The following SNTG1 variants were observed in gnomAD, a reference collection of about 807,000 sequenced individuals.
SNTG1 encodes the protein syntrophin gamma 1, also known as gamma-1-syntrophin.
In SNTG1, 39 loss-of-function variants were observed where a neutral mutation model predicts 74.7. The observed-to-expected ratio is 0.52, with a 90% CI of 0.40 to 0.68. The LOEUF (loss-of-function observed/expected upper bound fraction) is 0.68, where lower values mean the gene tolerates loss of function less well. SNTG1 is among the 30% of genes least tolerant of loss of function. The pLI is 0.00. For missense variants in SNTG1, 685 were observed against 609.5 expected, an observed-to-expected ratio of 1.12 and a Z score of -1.30; for synonymous variants, 254 against 217.1, an observed-to-expected ratio of 1.17 and a Z score of -1.49.
intron 8 of SNTG1, among the ~76,000 whole-genome samples, chr8:50,461,430 T>C (rs796311606): frequency 3.3e-5 from 5 of 152,320 alleles, no homozygotes; most frequent in African/African-American, 1.2e-4. Context: ...ATGCCAATTA[T>C]GCAGTTGAAA....
chr8:50,273,708 A>G (rs1367976382), intron 2 of SNTG1, among the ~76,000 whole-genome samples: 1 of 152,166 alleles, frequency 6.6e-6, no homozygotes, highest in Admixed American at 6.5e-5. Context: ...GAGGGTTAAC[A>G]ATGGTGGTGA....
intron 9 of SNTG1, among the ~76,000 whole-genome samples, chr8:50,517,956 T>TTAATAGACA (rs1425136428): frequency 1.3e-5 from 2 of 152,050 alleles, no homozygotes; most frequent in Non-Finnish European, 2.9e-5. Context: ...GCAAGTGGAC[T>TTAATAGACA]TAATAGACAT....
At chr8:50,389,986 C>T (rs1206285012) in intron 2 of SNTG1, among the ~76,000 whole-genome samples, 1 of 152,072 alleles carries the variant, frequency 6.6e-6, no homozygotes, top group Non-Finnish European at 1.5e-5. Flanking sequence ...GATATTAGCC[C>T]TTTGTCAGAT....
At chr8:50,298,953 ATT>A (rs2089517136) in intron 2 of SNTG1, among the ~76,000 whole-genome samples, 1 of 152,170 alleles carries the variant, frequency 6.6e-6, no homozygotes, top group South Asian at 2.1e-4. Flanking sequence ...GGAAGGTTTA[ATT>A]TTTTATAAAG....
chr8:50,131,560 A>T (rs907618034), intron 1 of SNTG1, among the ~76,000 whole-genome samples: 17 of 152,230 alleles, frequency 1.1e-4, no homozygotes, highest in African/African-American at 4.1e-4. Context: ...ACACACACAG[A>T]CATTTTCTTT....
intron 13 of SNTG1, among the ~76,000 whole-genome samples, chr8:50,608,614 G>A (rs577800903): frequency 6.6e-6 from 1 of 151,758 alleles, no homozygotes; most frequent in Non-Finnish European, 1.5e-5. Flanking sequence ...ATTTGTTCCA[G>A]TCAGAATAAA....
At chr8:50,456,651 A>G in intron 8 of SNTG1, among the ~76,000 whole-genome samples, 1 of 152,170 alleles carries the variant, frequency 6.6e-6, no homozygotes, top group Non-Finnish European at 1.5e-5. Context: ...AAAAGACACC[A>G]CCACTTGCTA....
At chr8:50,161,772 G>T (rs1231335910) in intron 1 of SNTG1, among the ~76,000 whole-genome samples, 1 of 150,046 alleles carries the variant, frequency 6.7e-6, no homozygotes, top group Non-Finnish European at 1.5e-5. Context: ...AAAAGAAAAA[G>T]AAAAAAAAAG....
chr8:50,237,639 G>A (rs1481401808), intron 2 of SNTG1, among the ~76,000 whole-genome samples: 1 of 151,648 alleles, frequency 6.6e-6, no homozygotes, highest in East Asian at 1.9e-4. Context: ...AGGCAAAAGG[G>A]GATTTTATTT....
intron 8 of SNTG1, among the ~76,000 whole-genome samples, chr8:50,466,622 G>C (rs2093610751): frequency 6.6e-6 from 1 of 151,898 alleles, no homozygotes; most frequent in Non-Finnish European, 1.5e-5. Context: ...TGATCAGTTT[G>C]AGAAAATCAG....
At chr8:50,667,922 T>C (rs2131324666) in intron 15 of SNTG1, among the ~76,000 whole-genome samples, 1 of 152,162 alleles carries the variant, frequency 6.6e-6, no homozygotes, top group Middle Eastern at 3.4e-3. Flanking sequence ...TAGTTTTTCC[T>C]CTGATAATAG....
chr8:49,996,843 TA>T (rs11298736), intron 1 of SNTG1, among the ~76,000 whole-genome samples: 118,586 of 151,944 alleles, frequency 0.78, 46,422 homozygotes, highest in East Asian at 0.83. Flanking sequence ...TAGAAGCTCA[TA>T]ATTACATAGT....
In SNTG1 at chr8:50,795,660, T is replaced by C. The variant is rs1802777719; in HGVS notation, c.*2831T>C. The C allele has an allele frequency of 6.6e-6, 1 of 152,006 alleles. No individual in the cohort carries two copies. Among genetic ancestry groups the C allele is most frequent in the Non-Finnish European group, 1.5e-5 (1 of 67,952 alleles). The allele number at this position is 152,006 out of a possible 1,614,324, so 9.4% of individuals were successfully genotyped here. A position where few individuals can be genotyped will look rare whatever the true frequency, so the allele number is the denominator to read the frequency against. ...CAAGCTTAATGGAGAATATTGTAGG[T>C]ATTTAGGTCAGAGAATGAAGTTCAA... On this transcript the variant is annotated 3_prime_UTR_variant, in exon 19 of 19. Transcript: ENST00000642720.
At chr8:49,996,083 CT>C (rs1814184271) in intron 1 of SNTG1, among the ~76,000 whole-genome samples, 3 of 152,156 alleles carry the variant, frequency 2.0e-5, no homozygotes, top group Middle Eastern at 6.8e-3. Flanking sequence ...ATGATATTTA[CT>C]TTTATTATTA....
intron 1 of SNTG1, among the ~76,000 whole-genome samples, chr8:49,988,110 C>T (rs189052238): frequency 9.2e-5 from 14 of 152,110 alleles, no homozygotes; most frequent in Admixed American, 5.9e-4. Flanking sequence ...CTGTACATGG[C>T]AGGAAAAGAG....
At chr8:50,710,735 T>C (rs538993263) in intron 17 of SNTG1, among the ~76,000 whole-genome samples, 4 of 152,322 alleles carry the variant, frequency 2.6e-5, no homozygotes, top group Non-Finnish European at 5.9e-5. Flanking sequence ...TCCTGTCTAC[T>C]TCTGCTGGGT....
chr8:50,477,812 CA>C (rs2093708827), intron 8 of SNTG1, among the ~76,000 whole-genome samples: 1 of 152,116 alleles, frequency 6.6e-6, no homozygotes, highest in Admixed American at 6.6e-5. Flanking sequence ...TCTATTTTTA[CA>C]AACAATTCAT....
intron 1 of SNTG1, among the ~76,000 whole-genome samples, chr8:49,925,922 A>G (rs1806980680): frequency 6.6e-6 from 1 of 152,240 alleles, no homozygotes; most frequent in South Asian, 2.1e-4. Flanking sequence ...ATTCAGTAAT[A>G]GAGAACTGGA....
chr8:50,787,310 TATA>T (rs1209287829), intron 18 of SNTG1, among the ~76,000 whole-genome samples: 2 of 151,782 alleles, frequency 1.3e-5, no homozygotes, highest in African/African-American at 4.8e-5. Flanking sequence ...ATAGGATGGT[TATA>T]ATATTTTTTT....
Sources: gnomAD v4.1 joint callset for allele counts (sites outside exome capture counted in the v4.1 genomes callset) on GRCh38, gnomAD v4.1.1 for gene constraint, MANE v1.5 for transcripts, NCBI Gene and HGNC (gene_info 2026-07-23, HGNC 2026-07-21) for gene names.